The following CNTNAP2 variants were observed in gnomAD, a reference collection of about 807,000 sequenced individuals.
CNTNAP2 encodes contactin associated protein 2, also known as contactin-associated protein-like 2.
A neutral mutation model predicts 155.2 loss-of-function variants in CNTNAP2; 98 were observed. That is an observed-to-expected ratio of 0.63 (90% CI 0.54 to 0.75). The LOEUF (loss-of-function observed/expected upper bound fraction) is 0.75, where lower values mean the gene tolerates loss of function less well. Among genes scored for constraint, CNTNAP2 ranks in the 30% least tolerant of loss-of-function variants. The pLI is 0.00. For missense variants in CNTNAP2, 1,727 were observed against 1,688.1 expected (o/e 1.02, Z -0.40); for synonymous variants, 651 against 631.2 (o/e 1.03, Z -0.47).
At chr7:146,508,270 C>A (rs968825009) in intron 1 of CNTNAP2, among the ~76,000 whole-genome samples, 5 of 152,142 alleles carry the variant, frequency 3.3e-5, no homozygotes, top group Non-Finnish European at 7.3e-5. Flanking sequence ...ATACGTATGT[C>A]CACCCGATAA....
chr7:147,395,555 A>G lies in CNTNAP2; in HGVS notation c.1499-54A>G, dbSNP rs932112059. On this transcript the variant is annotated intron_variant, in intron 9 of 23. Transcript: ENST00000361727. The stretch of plus-strand genomic sequence containing the variant: ...CAGGTAGAATACCCACAAGAATTTT[A>G]GTGAAGGTTATACTGTACACCAGAT... The G allele has an allele frequency of 7.0e-6, 11 of 1,573,720 alleles. No homozygotes were observed. The South Asian group carries it at 1.1e-4, about 16-fold the overall frequency.
intron 1 of CNTNAP2, among the ~76,000 whole-genome samples, chr7:146,531,530 C>A (rs1485369800): frequency 6.6e-6 from 1 of 151,870 alleles, no homozygotes; most frequent in East Asian, 1.9e-4. Context: ...TATAAAAATG[C>A]TAATAATTTA....
At chr7:146,664,157 CTTTTTTT>C (rs35241151) in intron 1 of CNTNAP2, among the ~76,000 whole-genome samples, 957 of 68,518 alleles carry the variant, frequency 0.014, 13 homozygotes, top group South Asian at 0.047. Flanking sequence ...CAATAAATTC[CTTTTTTT>C]TTTTTTTTTT....
chr7:146,637,258 G>T (rs1799614672), intron 1 of CNTNAP2, among the ~76,000 whole-genome samples: 1 of 152,028 alleles, frequency 6.6e-6, no homozygotes, highest in Non-Finnish European at 1.5e-5. Flanking sequence ...GAAACACAAA[G>T]GCATAGTTTT....
intron 1 of CNTNAP2, among the ~76,000 whole-genome samples, chr7:146,520,684 A>AGAT (rs1563117577): frequency 6.6e-6 from 1 of 151,882 alleles, no homozygotes; most frequent in African/African-American, 2.4e-5. Context: ...TGAAGTAGAA[A>AGAT]GATATAGTAC....
intron 13 of CNTNAP2, among the ~76,000 whole-genome samples, chr7:147,794,173 G>C (rs1797858493): frequency 6.6e-6 from 1 of 151,798 alleles, no homozygotes; most frequent in African/African-American, 2.4e-5. Context: ...GCCATGACTA[G>C]AACCTCCTAT....
At chr7:146,906,831 G>A (rs1796140146) in intron 3 of CNTNAP2, among the ~76,000 whole-genome samples, 1 of 150,838 alleles carries the variant, frequency 6.6e-6, no homozygotes, top group Admixed American at 6.6e-5. Context: ...AGAGAAGAAG[G>A]CTTCAGACGA....
chr7:147,091,392 G>C (rs1181414383), intron 4 of CNTNAP2, among the ~76,000 whole-genome samples: 5 of 151,938 alleles, frequency 3.3e-5, no homozygotes, highest in African/African-American at 1.2e-4. Context: ...GCCAACCCTT[G>C]GAATGAAGGC....
At chr7:147,781,018 T>C (rs1343810836) in intron 13 of CNTNAP2, among the ~76,000 whole-genome samples, 2 of 152,218 alleles carry the variant, frequency 1.3e-5, no homozygotes, top group African/African-American at 2.4e-5. Context: ...TTGGTTCTTA[T>C]AGTTCTCCAG....
At chr7:146,940,769 G>A (rs978604520) in intron 3 of CNTNAP2, among the ~76,000 whole-genome samples, 9 of 150,870 alleles carry the variant, frequency 6.0e-5, no homozygotes, top group East Asian at 3.9e-4. Context: ...ATATACAGTC[G>A]TATACATACA....
chr7:147,422,952 AAAC>A lies in CNTNAP2; in HGVS notation c.1670+27181_1670+27183del, dbSNP rs531786397. Among the ~76,000 whole-genome samples, 348 of 152,334 alleles carry A rather than the reference AAAC, an allele frequency of 2.3e-3. 4 individuals carry two copies. The highest frequency in any genetic ancestry group is 7.9e-3 in the African/African-American group (328 of 41,580). On this transcript the variant is annotated intron_variant, in intron 10 of 23. Transcript: ENST00000361727. ...CTGCATACAAGTTGGCAAAAGAAAA[AAAC>A]AACAACAAAATTTTAACTTCTTTGT...
At chr7:146,964,832 C>CT (rs1169650959) in intron 3 of CNTNAP2, among the ~76,000 whole-genome samples, 1 of 152,006 alleles carries the variant, frequency 6.6e-6, no homozygotes, top group Non-Finnish European at 1.5e-5. Flanking sequence ...TGGACAATAC[C>CT]TAAGCAGATA....
intron 1 of CNTNAP2, among the ~76,000 whole-genome samples, chr7:146,285,447 CTG>C (rs1212212622): frequency 7.0e-6 from 1 of 143,530 alleles, no homozygotes; most frequent in Non-Finnish European, 1.5e-5. Context: ...TTAGTGAAAA[CTG>C]TAAAAAATTT....
chr7:146,412,431 C>T lies in CNTNAP2; in HGVS notation c.97+295458C>T, dbSNP rs536088805. On this transcript the variant is annotated intron_variant, in intron 1 of 23. Transcript: ENST00000361727. ...AGAAGAGTCTCAGGGAAAGAAATTCCTTGTTTGAATTAATTTAGTCAAATC... is the reference window on the plus strand; with the variant it reads ...AGAAGAGTCTCAGGGAAAGAAATTCTTTGTTTGAATTAATTTAGTCAAATC... Among the ~76,000 whole-genome samples the T allele has an allele frequency of 5.3e-5, 8 of 152,238 alleles. No homozygotes were observed. In the East Asian group the frequency reaches 1.5e-3, roughly 29 times the overall value.
intron 1 of CNTNAP2, among the ~76,000 whole-genome samples, chr7:146,722,072 T>C (rs1420406236): frequency 6.6e-6 from 1 of 150,608 alleles, no homozygotes; most frequent in Non-Finnish European, 1.5e-5. Context: ...GTATTTTTAG[T>C]AGAGACAGGT....
At position 146,149,587 on chromosome 7, in the gene CNTNAP2, A is replaced by G. The variant is rs370448233; in HGVS notation, c.97+32614A>G. On this transcript the variant is annotated intron_variant, in intron 1 of 23. Coordinates refer to ENST00000361727, the MANE Select transcript of CNTNAP2 (RefSeq NM_014141.6). ...CTAAAAGAACAGAACGGAGTCCAGA[A>G]CTAGATCCACGCAGATATGGCCAAT... Among the ~76,000 whole-genome samples, 30 of 152,238 alleles carry G rather than the reference A, an allele frequency of 2.0e-4. No individual in the cohort carries two copies. The East Asian group carries it at 3.3e-3, about 17-fold the overall frequency.
intron 1 of CNTNAP2, among the ~76,000 whole-genome samples, chr7:146,617,066 C>A (rs927360714): frequency 6.6e-6 from 1 of 152,158 alleles, no homozygotes; most frequent in African/African-American, 2.4e-5. Context: ...GTCGCCCAGG[C>A]TGGAGTGCAG....
chr7:146,252,830 T>A (rs1375012948), intron 1 of CNTNAP2, among the ~76,000 whole-genome samples: 1 of 152,112 alleles, frequency 6.6e-6, no homozygotes, highest in Admixed American at 6.6e-5. Flanking sequence ...ACCACAGATA[T>A]GATCCAGTTA....
At chr7:147,922,966 AGT>A (rs56155907) in intron 14 of CNTNAP2, among the ~76,000 whole-genome samples, 6,451 of 152,222 alleles carry the variant, frequency 0.042, 231 homozygotes, top group East Asian at 0.11. Flanking sequence ...AGGTTATAGG[AGT>A]TTCCAGCAAG....
Sources: gnomAD v4.1 joint callset for allele counts (sites outside exome capture counted in the v4.1 genomes callset) on GRCh38, gnomAD v4.1.1 for gene constraint, MANE v1.5 for transcripts, NCBI Gene and HGNC (gene_info 2026-07-23, HGNC 2026-07-21) for gene names.